Variants in RASA3 observed in about 807,000 individuals in gnomAD.
RASA3 encodes the protein RAS p21 protein activator 3, also known as ras GTPase-activating protein 3.
RASA3 carries 73 observed loss-of-function variants against 110.0 expected under a neutral mutation model. The observed-to-expected ratio is 0.66, with a 90% CI of 0.55 to 0.81. The LOEUF is 0.81. Among genes scored for constraint, RASA3 ranks in the 30% least tolerant of loss-of-function variants. The pLI, the probability that RASA3 is intolerant of heterozygous loss-of-function variation, is 0.00. For synonymous variants in RASA3, 500 were observed against 451.4 expected, an observed-to-expected ratio of 1.11 and a Z score of -1.37; for missense variants, 976 against 1,113.2, an observed-to-expected ratio of 0.88 and a Z score of 1.75.
At position 114,115,606 on chromosome 13, in the gene RASA3, T is replaced by C. The variant is rs1030419311; in HGVS notation, c.55+16829A>G. Reference sequence around the variant, plus strand: ...ATGTCCACGCCCTCTGCAGGCCTCGTGTCCCCCTCGCTGTCGCCTGCCGAT... The same window carrying C: ...ATGTCCACGCCCTCTGCAGGCCTCGCGTCCCCCTCGCTGTCGCCTGCCGAT... On this transcript the variant is annotated intron_variant, in intron 1 of 23. Coordinates refer to ENST00000334062, the MANE Select transcript of RASA3 (RefSeq NM_007368.4). The surrounding 1 kb of genome is among the most constrained non-coding windows in gnomAD (Gnocchi z 5.0). Among the ~76,000 whole-genome samples, 6 of 152,232 alleles carry C rather than the reference T, an allele frequency of 3.9e-5. No individual in the cohort carries two copies. The highest frequency in any genetic ancestry group is 1.4e-4 in the African/African-American group (6 of 41,462).
intron 2 of RASA3, among the ~76,000 whole-genome samples, 184 bp downstream of exon 2, chr13:114,073,536 G>A (rs1315246961): frequency 1.3e-5 from 2 of 150,264 alleles, no homozygotes; most frequent in South Asian, 2.1e-4. Context: ...GGACGGTGAC[G>A]TACACGCTCG....
At chr13:114,038,872 C>T (rs1566512537) in intron 4 of RASA3, among the ~76,000 whole-genome samples, 1 of 152,220 alleles carries the variant, frequency 6.6e-6, no homozygotes. Flanking sequence ...TCCATCCGAC[C>T]CACCCAGTTG....
At chr13:114,127,261 C>G (rs2080463333) in intron 1 of RASA3, among the ~76,000 whole-genome samples, 1 of 152,248 alleles carries the variant, frequency 6.6e-6, no homozygotes, top group Non-Finnish European at 1.5e-5. Flanking sequence ...AGATTCCCTT[C>G]CAGGAATGAC....
At chr13:113,989,527 T>C (rs1253139169) in intron 22 of RASA3, among the ~76,000 whole-genome samples, 6 of 125,936 alleles carry the variant, frequency 4.8e-5, no homozygotes, top group Admixed American at 3.9e-4. Context: ...CATCCGTCCA[T>C]CCACCATCAC....
At chr13:114,107,893 A>G (rs9314892) in intron 1 of RASA3, 115,819 of 152,146 alleles carry the variant, frequency 0.76, 44,297 homozygotes, top group East Asian at 0.81. Context: ...GCTCGCACCC[A>G]GCCTGGGACC....
intron 20 of RASA3, 96 bp from the exon 21 acceptor site, chr13:113,996,835 C>T (rs893099627): frequency 3.5e-5 from 39 of 1,125,422 alleles, no homozygotes; most frequent in African/African-American, 1.8e-4. Context: ...TCGCCGGAGT[C>T]GTAAGAGGGG....
chr13:114,092,571 G>A (rs772712201), intron 1 of RASA3, among the ~76,000 whole-genome samples: 14 of 152,034 alleles, frequency 9.2e-5, no homozygotes, highest in Admixed American at 3.9e-4. Flanking sequence ...AGATTGTTTT[G>A]TGAGCTAACC....
chr13:114,052,009 G>T, intron 3 of RASA3, 43 bp downstream of exon 3: 2 of 1,446,054 alleles, frequency 1.4e-6, no homozygotes, highest in Non-Finnish European at 1.9e-6. Flanking sequence ...GCCTGGTACA[G>T]AACAGGCAGA....
In RASA3 at chr13:114,052,237, T is replaced by C. The variant is rs1594390718; in HGVS notation, c.174-82A>G. ...CCGGGGCACACACGTGTGGTCTTAG[T>C]TTTAAACATGCCATAAGAATGCCCT... On this transcript the variant is annotated intron_variant, in intron 2 of 23. Transcript: ENST00000334062. The C allele has an allele frequency of 6.7e-6, 6 of 889,176 alleles. 1 individual carries two copies. In the East Asian group the frequency reaches 1.6e-4, roughly 23 times the overall value. The allele number at this position is 889,176 out of a possible 1,614,324, so 55.1% of individuals were successfully genotyped here. A position where few individuals can be genotyped will look rare whatever the true frequency, so the allele number is the denominator to read the frequency against.
intron 19 of RASA3, among the ~76,000 whole-genome samples, chr13:113,999,945 G>C: frequency 2.5e-5 from 1 of 39,310 alleles, no homozygotes; most frequent in Non-Finnish European, 5.5e-5. Context: ...CTCTGCTGGG[G>C]GGTCTCTGCT....
intron 3 of RASA3, 52 bp from the exon 4 acceptor site, chr13:114,041,146 G>C (rs761482317): frequency 6.6e-7 from 1 of 1,504,502 alleles, no homozygotes; most frequent in East Asian, 2.3e-5. Flanking sequence ...CCAGAGCCAG[G>C]ACGCCTGTGA....
At chr13:114,042,066 T>C (rs1185802526) in intron 3 of RASA3, among the ~76,000 whole-genome samples, 1 of 152,258 alleles carries the variant, frequency 6.6e-6, no homozygotes, top group Non-Finnish European at 1.5e-5. Flanking sequence ...TTGTACAATA[T>C]ACGTTTACCT....
At chr13:113,981,652 G>A in intron 23 of RASA3, 23 bp downstream of exon 23, 2 of 1,611,788 alleles carry the variant, frequency 1.2e-6, no homozygotes, top group East Asian at 4.5e-5. Flanking sequence ...GCCGTCCAGG[G>A]CAGGCACGGG....
rs2053744711 is a variant in RASA3 at position 114,014,469 on chromosome 13, G to T, written c.1405+740C>A. Among the ~76,000 whole-genome samples the T allele has an allele frequency of 6.6e-6, 1 of 152,164 alleles. No homozygotes were observed. Among genetic ancestry groups the T allele is most frequent in the Non-Finnish European group, 1.5e-5 (1 of 68,024 alleles). On this transcript the variant is annotated intron_variant, in intron 14 of 23. Coordinates refer to ENST00000334062, the MANE Select transcript of RASA3 (RefSeq NM_007368.4). This position sits in a 1 kb window ranked among gnomAD's most constrained non-coding sequence, Gnocchi z 4.5. ...TCTGCAGGACCATGGCCACCCCGGG[G>T]TGTCTGCAGCTGTCCCGAGGCCACA...
intron 23 of RASA3, 45 bp from the exon 24 acceptor site, chr13:113,979,467 C>T: frequency 6.8e-7 from 1 of 1,474,104 alleles, no homozygotes. Context: ...GACCCCGTTG[C>T]CTGGTGCTCA....
At chr13:114,052,687 G>GC (rs2079165498) in intron 2 of RASA3, among the ~76,000 whole-genome samples, 1 of 92,892 alleles carries the variant, frequency 1.1e-5, no homozygotes, top group Non-Finnish European at 2.2e-5. Flanking sequence ...TGGGGGAGAG[G>GC]CCCCCGCTGC....
intron 4 of RASA3, among the ~76,000 whole-genome samples, chr13:114,033,150 C>T (rs2054207177): frequency 9.6e-6 from 1 of 104,670 alleles, no homozygotes; most frequent in Non-Finnish European, 2.0e-5. Flanking sequence ...ACACCACACC[C>T]CACGGCACCC....
At chr13:114,067,862 G>C (rs1232978409) in intron 2 of RASA3, among the ~76,000 whole-genome samples, 3 of 152,194 alleles carry the variant, frequency 2.0e-5, no homozygotes, top group Non-Finnish European at 2.9e-5. Flanking sequence ...AGATCTATCT[G>C]TTCCTTGACT....
chr13:114,080,681 T>C (rs1444799777), intron 1 of RASA3, among the ~76,000 whole-genome samples: 1 of 151,716 alleles, frequency 6.6e-6, no homozygotes, highest in Non-Finnish European at 1.5e-5. Flanking sequence ...AACAGGGGTC[T>C]CCCCCAGGGG....
Sources: gnomAD v4.1 joint callset for allele counts (sites outside exome capture counted in the v4.1 genomes callset) on GRCh38, gnomAD v4.1.1 for gene constraint, Gnocchi (gnomAD v3.1) non-coding constraint, MANE v1.5 for transcripts, NCBI Gene and HGNC (gene_info 2026-07-23, HGNC 2026-07-21) for gene names.